Variants in GALNT17 observed in about 807,000 individuals in gnomAD.
GALNT17 encodes the protein polypeptide N-acetylgalactosaminyltransferase 17.
GALNT17 carries 29 observed loss-of-function variants against 63.7 expected under a neutral mutation model. That is an observed-to-expected ratio of 0.46 (90% CI 0.34 to 0.62). The LOEUF is 0.62. GALNT17 is among the 20% of genes least tolerant of loss of function. The pLI is 0.01. For synonymous variants in GALNT17, 305 were observed against 318.3 expected, an observed-to-expected ratio of 0.96 and a Z score of 0.45; for missense variants, 603 against 799.6, an observed-to-expected ratio of 0.75 and a Z score of 2.97.
intron 1 of GALNT17, among the ~76,000 whole-genome samples, chr7:71,253,913 C>T (rs1790245129): frequency 6.6e-6 from 1 of 152,082 alleles, no homozygotes; most frequent in Non-Finnish European, 1.5e-5. Flanking sequence ...GAGTCAAATT[C>T]TGTAAGATAT....
intron 1 of GALNT17, among the ~76,000 whole-genome samples, chr7:71,298,708 TG>T (rs761230245): frequency 3.0e-5 from 1 of 33,304 alleles, no homozygotes; most frequent in Non-Finnish European, 5.8e-5. Context: ...TTTATTCCAG[TG>T]GGGTGTGTGT....
intron 5 of GALNT17, among the ~76,000 whole-genome samples, chr7:71,538,942 G>A (rs1788844072): frequency 6.6e-6 from 1 of 151,880 alleles, no homozygotes. Flanking sequence ...TTTTTGGGGG[G>A]TTTTTGTTTG....
intron 5 of GALNT17, among the ~76,000 whole-genome samples, chr7:71,530,257 T>C (rs1244400622): frequency 1.3e-5 from 2 of 152,186 alleles, no homozygotes; most frequent in Non-Finnish European, 2.9e-5. Flanking sequence ...GTTGGGTTTA[T>C]GTCTAACCTT....
intron 2 of GALNT17, among the ~76,000 whole-genome samples, chr7:71,352,288 G>T (rs1792203076): frequency 6.6e-6 from 1 of 152,148 alleles, no homozygotes; most frequent in South Asian, 2.1e-4. Flanking sequence ...GCCATGTGGA[G>T]CTGTGAGTCC....
intron 1 of GALNT17, among the ~76,000 whole-genome samples, chr7:71,161,466 T>G (rs1788340588): frequency 6.6e-6 from 1 of 152,204 alleles, no homozygotes; most frequent in South Asian, 2.1e-4. Flanking sequence ...ATCTTTGTCT[T>G]TAATATTTAT....
At chr7:71,528,604 G>A (rs759717726) in intron 5 of GALNT17, among the ~76,000 whole-genome samples, 1 of 152,088 alleles carries the variant, frequency 6.6e-6, no homozygotes, top group Non-Finnish European at 1.5e-5. Context: ...TCAGAGCCAA[G>A]CCACAAAAGT....
At chr7:71,644,993 C>T (rs1275473009) in intron 6 of GALNT17, among the ~76,000 whole-genome samples, 1 of 152,134 alleles carries the variant, frequency 6.6e-6, no homozygotes, top group Non-Finnish European at 1.5e-5. Flanking sequence ...CTTCCAAGGT[C>T]TCCATGCAGT....
intron 1 of GALNT17, among the ~76,000 whole-genome samples, chr7:71,172,982 G>A (rs1788571746): frequency 6.6e-6 from 1 of 152,124 alleles, no homozygotes; most frequent in African/African-American, 2.4e-5. Context: ...TGCTAGAATG[G>A]GGTTTGGGTT....
chr7:71,380,507 C>T (rs369987710), intron 2 of GALNT17, among the ~76,000 whole-genome samples: 4 of 151,806 alleles, frequency 2.6e-5, no homozygotes, highest in African/African-American at 7.3e-5. Context: ...GTTTTTGTAG[C>T]GATGGGATCT....
chr7:71,191,500 G>GT (rs1788951519), intron 1 of GALNT17, among the ~76,000 whole-genome samples: 2 of 152,180 alleles, frequency 1.3e-5, no homozygotes, highest in African/African-American at 4.8e-5. Flanking sequence ...TAGACAATAT[G>GT]TAAATAACTG....
chr7:71,166,688 A>G (rs985897816), intron 1 of GALNT17, among the ~76,000 whole-genome samples: 2 of 152,176 alleles, frequency 1.3e-5, no homozygotes, highest in Non-Finnish European at 2.9e-5. Flanking sequence ...ATTACTAACT[A>G]TATTCCATTA....
intron 1 of GALNT17, among the ~76,000 whole-genome samples, chr7:71,248,938 A>G (rs1436900853): frequency 6.6e-6 from 1 of 150,636 alleles, no homozygotes; most frequent in East Asian, 2.0e-4. Flanking sequence ...CCTCTTCTCT[A>G]CTGAATCTTT....
intron 1 of GALNT17, among the ~76,000 whole-genome samples, chr7:71,170,363 T>G (rs1393780953): frequency 1.3e-5 from 2 of 151,952 alleles, no homozygotes; most frequent in Admixed American, 1.3e-4. Context: ...TGAGACAGAG[T>G]CTCACTCTGT....
At chr7:71,239,303 C>A (rs1009064483) in intron 1 of GALNT17, among the ~76,000 whole-genome samples, 14 of 150,922 alleles carry the variant, frequency 9.3e-5, no homozygotes, top group South Asian at 2.1e-4. Context: ...GTACCCCCCC[C>A]CAAAAAAAAA....
intron 1 of GALNT17, among the ~76,000 whole-genome samples, chr7:71,149,488 G>A (rs1185731096): frequency 6.6e-6 from 1 of 152,070 alleles, no homozygotes; most frequent in African/African-American, 2.4e-5. Context: ...CGAAACGTGT[G>A]CTGGGGTGAG....
At chr7:71,320,244 T>G (rs1315319315) in intron 1 of GALNT17, among the ~76,000 whole-genome samples, 1 of 152,106 alleles carries the variant, frequency 6.6e-6, no homozygotes, top group Non-Finnish European at 1.5e-5. Flanking sequence ...CAGATAATTT[T>G]TTTTTAAATT....
At chr7:71,150,429 G>A (rs980776246) in intron 1 of GALNT17, among the ~76,000 whole-genome samples, 1 of 152,110 alleles carries the variant, frequency 6.6e-6, no homozygotes, top group Non-Finnish European at 1.5e-5. Context: ...GTAGACGGAA[G>A]TGATGTTTGC....
chr7:71,146,438 T>C (rs1330236134), intron 1 of GALNT17, among the ~76,000 whole-genome samples: 4 of 152,196 alleles, frequency 2.6e-5, no homozygotes, highest in Admixed American at 1.3e-4. Context: ...AAGCCAACTC[T>C]CCATGGGTGG....
chr7:71,260,752 A>T (rs1188428442), intron 1 of GALNT17, among the ~76,000 whole-genome samples: 1 of 151,526 alleles, frequency 6.6e-6, no homozygotes, highest in Non-Finnish European at 1.5e-5. Context: ...ATGCCAACAC[A>T]TCCTGATAAT....
Sources: gnomAD v4.1 joint callset for allele counts (sites outside exome capture counted in the v4.1 genomes callset) on GRCh38, gnomAD v4.1.1 for gene constraint, MANE v1.5 for transcripts, NCBI Gene and HGNC (gene_info 2026-07-23, HGNC 2026-07-21) for gene names.